Variants in BRAP observed in about 807,000 individuals in gnomAD.
BRAP encodes the protein BRCA1 associated protein, also known as BRCA1-associated protein.
In BRAP, 42 loss-of-function variants were observed where a neutral mutation model predicts 73.4. The observed-to-expected ratio is 0.57, with a 90% CI of 0.45 to 0.74. The LOEUF (loss-of-function observed/expected upper bound fraction) is 0.74. BRAP is among the 30% of genes least tolerant of loss of function. BRAP has a pLI of 0.00. For synonymous variants in BRAP, 255 were observed against 267.4 expected, an observed-to-expected ratio of 0.95 and a Z score of 0.45; for missense variants, 593 against 751.4, an observed-to-expected ratio of 0.79 and a Z score of 2.46.
At chr12:111,670,187 G>T (rs1224507047) in intron 5 of BRAP, 4 of 612,374 alleles carry the variant, frequency 6.5e-6, no homozygotes, top group Non-Finnish European at 1.3e-5. Flanking sequence ...GATCACTGTA[G>T]GCTTTGTTGG....
At chr12:111,681,171 C>T (rs1192764972) in intron 3 of BRAP, among the ~76,000 whole-genome samples, 6 of 152,040 alleles carry the variant, frequency 3.9e-5, no homozygotes, top group Admixed American at 3.9e-4. Context: ...GAGTTCAAGA[C>T]CAGCCTGGCC....
chr12:111,655,773 A>C (rs1055483607), intron 9 of BRAP, 118 bp from the exon 10 acceptor site: 1 of 772,640 alleles, frequency 1.3e-6, no homozygotes, highest in African/African-American at 1.7e-5. Context: ...AACAGAATGT[A>C]TATTTACGCC....
chr12:111,685,455 G>A lies in BRAP; in HGVS notation c.82+256C>T, dbSNP rs1887782483. Reference sequence around the variant, plus strand: ...CAAACACACCACTCGACTATCTCGAGAGGGAGACGCGCCAGGTATAAACTA... The same window carrying A: ...CAAACACACCACTCGACTATCTCGAAAGGGAGACGCGCCAGGTATAAACTA... On this transcript the variant is annotated intron_variant, in intron 1 of 11. Coordinates refer to ENST00000419234, the MANE Select transcript of BRAP (RefSeq NM_006768.5). The A allele has an allele frequency of 9.0e-6, 7 of 775,690 alleles. No homozygotes were observed. The East Asian group carries it at 2.5e-4, about 28-fold the overall frequency. The allele number at this position is 775,690 out of a possible 1,614,324, so 48.1% of individuals were successfully genotyped here.
chr12:111,678,245 G>A lies in BRAP; in HGVS notation c.633+906C>T, dbSNP rs1411620940. Among the ~76,000 whole-genome samples the A allele has an allele frequency of 9.7e-4, 106 of 109,666 alleles. 1 individual carries two copies. The highest frequency in any genetic ancestry group is 9.1e-3 in the Admixed American group (88 of 9,666). The allele number at this position is 109,666 out of a possible 152,430, so 71.9% of individuals were successfully genotyped here. A position where few individuals can be genotyped will look rare whatever the true frequency, so the allele number is the denominator to read the frequency against. ...GCCTGGGCAACAAGAGTGAAACTCC[G>A]TCTCAAAAAAAAAAAAAAAAAAAAT... On this transcript the variant is annotated intron_variant, in intron 4 of 11. Coordinates refer to ENST00000419234, the MANE Select transcript of BRAP (RefSeq NM_006768.5).
chr12:111,660,475 CCTGT>C (rs1886704246), intron 7 of BRAP, 121 bp downstream of exon 7: 1 of 791,454 alleles, frequency 1.3e-6, no homozygotes. Context: ...CACAGTAAGC[CCTGT>C]CTCTTAAAAT....
In BRAP at chr12:111,656,484, GTAT is replaced by G. The variant is rs1376415557; in HGVS notation, c.1222-832_1222-830del. On this transcript the variant is annotated intron_variant, in intron 9 of 11. Coordinates refer to ENST00000419234, the MANE Select transcript of BRAP (RefSeq NM_006768.5). ...TATGGCACCAGTGGAAGGCTTTGGG[GTAT>G]TATAATATTGACAAATATGGGCAAT... 3.3e-5 allele frequency among the ~76,000 whole-genome samples: 5 copies of G among 152,284 alleles called. No homozygotes were observed. In the East Asian group the frequency reaches 9.7e-4, roughly 29 times the overall value.
chr12:111,678,747 T>G (rs1887483319), intron 4 of BRAP, among the ~76,000 whole-genome samples: 1 of 145,610 alleles, frequency 6.9e-6, no homozygotes, highest in Non-Finnish European at 1.5e-5. Flanking sequence ...TGGAGTGCAG[T>G]GGTGTGATGT....
intron 9 of BRAP, among the ~76,000 whole-genome samples, chr12:111,658,185 C>T (rs1040751102): frequency 6.6e-6 from 1 of 152,034 alleles, no homozygotes. Flanking sequence ...CTGCCTCAGC[C>T]TCCCAAAGTG....
At chr12:111,669,015 A>G (rs1003291683) in intron 5 of BRAP, among the ~76,000 whole-genome samples, 1 of 152,158 alleles carries the variant, frequency 6.6e-6, no homozygotes, top group Non-Finnish European at 1.5e-5. Context: ...TACCTACTTT[A>G]TGATGACTTG....
intron 1 of BRAP, among the ~76,000 whole-genome samples, chr12:111,684,292 T>C (rs1182134514): frequency 6.6e-6 from 1 of 152,200 alleles, no homozygotes; most frequent in East Asian, 1.9e-4. Flanking sequence ...CAGATGTCTA[T>C]ATGCGGCTAA....
At chr12:111,648,222 C>T (rs1247749936) in intron 11 of BRAP, among the ~76,000 whole-genome samples, 4 of 148,714 alleles carry the variant, frequency 2.7e-5, no homozygotes, top group African/African-American at 7.5e-5. Context: ...CACTTGAATC[C>T]GGGAGGCGGA....
At chr12:111,680,944 G>T (rs929135476) in intron 3 of BRAP, among the ~76,000 whole-genome samples, 1 of 152,214 alleles carries the variant, frequency 6.6e-6, no homozygotes, top group Non-Finnish European at 1.5e-5. Context: ...TAATAAAATT[G>T]TAATGAGTTA....
intron 10 of BRAP, among the ~76,000 whole-genome samples, chr12:111,650,541 C>T (rs902983210): frequency 6.6e-5 from 10 of 152,224 alleles, no homozygotes; most frequent in Non-Finnish European, 1.3e-4. Flanking sequence ...GTTGGGATTA[C>T]AGGCGTGAGC....
At position 111,659,518 on chromosome 12, in the gene BRAP, G is replaced by A. The variant is rs572858225; in HGVS notation, c.973-173C>T. Among the ~76,000 whole-genome samples the A allele has an allele frequency of 1.0e-3, 154 of 152,326 alleles. 1 individual carries two copies. Among genetic ancestry groups the A allele is most frequent in the African/African-American group, 3.6e-3 (148 of 41,580 alleles). ...AAAATACAAATATTAGCTGGGCGTG[G>A]TGGCAGCTGCCTGTAATCCCAGCTA... is the stretch of plus-strand genomic sequence containing the variant. On this transcript the variant is annotated intron_variant, in intron 7 of 11. Coordinates refer to ENST00000419234, the MANE Select transcript of BRAP (RefSeq NM_006768.5).
At chr12:111,682,611 G>C (rs533871274) in intron 2 of BRAP, among the ~76,000 whole-genome samples, 1 of 151,946 alleles carries the variant, frequency 6.6e-6, no homozygotes, top group African/African-American at 2.4e-5. Flanking sequence ...GAACTAGGTG[G>C]TAAGAAATTC....
At chr12:111,660,781 C>T (rs1055940411) in intron 6 of BRAP, 106 bp from the exon 7 acceptor site, 1 of 760,686 alleles carries the variant, frequency 1.3e-6, no homozygotes, top group African/African-American at 1.8e-5. Context: ...CTCTTATATG[C>T]TATTTTTATC....
intron 10 of BRAP, among the ~76,000 whole-genome samples, chr12:111,650,879 T>C (rs1415449324): frequency 6.6e-6 from 1 of 152,222 alleles, no homozygotes; most frequent in Non-Finnish European, 1.5e-5. Flanking sequence ...TAATTCATAT[T>C]ACACAGCCTT....
chr12:111,651,773 G>C (rs998106102), intron 10 of BRAP, among the ~76,000 whole-genome samples: 1 of 150,814 alleles, frequency 6.6e-6, no homozygotes, highest in South Asian at 2.1e-4. Context: ...GAGCAGCTGG[G>C]ACTACAGGTG....
chr12:111,685,799 G>A lies in BRAP; in HGVS notation c.-7C>T. 6.4e-7 allele frequency: 1 copy of A among 1,562,134 alleles called. No individual in the cohort carries two copies. On this transcript the variant is annotated 5_prime_UTR_variant, in exon 1 of 12. Transcript: ENST00000419234. ...CAACCAGTGACACACTCATAGGGCAGGCGCTGGCCGGCGCGGGCCCCGGCG... is the reference window on the plus strand; with the variant it reads ...CAACCAGTGACACACTCATAGGGCAAGCGCTGGCCGGCGCGGGCCCCGGCG...
Sources: gnomAD v4.1 joint callset for allele counts (sites outside exome capture counted in the v4.1 genomes callset) on GRCh38, gnomAD v4.1.1 for gene constraint, MANE v1.5 for transcripts, NCBI Gene and HGNC (gene_info 2026-07-23, HGNC 2026-07-21) for gene names.